The following GPHN variants were observed in gnomAD, a reference collection of about 807,000 sequenced individuals.
The protein encoded by GPHN is gephyrin.
Under a neutral mutation model 95.5 loss-of-function variants are expected in GPHN, and 17 were observed. That is an observed-to-expected ratio of 0.18 (90% CI 0.12 to 0.27). The LOEUF (loss-of-function observed/expected upper bound fraction) is 0.27. Among genes scored for constraint, GPHN ranks in the 10% least tolerant of loss-of-function variants. GPHN has a pLI of 1.00. For missense variants in GPHN, 660 were observed against 978.1 expected (o/e 0.67, Z 4.34); for synonymous variants, 320 against 322.5 (o/e 0.99, Z 0.08).
At chr14:66,942,033 CAG>C (rs752859956) in intron 8 of GPHN, among the ~76,000 whole-genome samples, 3 of 152,128 alleles carry the variant, frequency 2.0e-5, no homozygotes, top group Non-Finnish European at 4.4e-5. Context: ...TGTTTTGAGA[CAG>C]AGTTTTGCTC....
At chr14:66,996,830 GTTCT>G (rs2071837715) in intron 9 of GPHN, among the ~76,000 whole-genome samples, 1 of 151,968 alleles carries the variant, frequency 6.6e-6, no homozygotes, top group African/African-American at 2.4e-5. Context: ...AGAGATTCAT[GTTCT>G]TTTAGTAAAA....
At chr14:66,988,812 A>C (rs2071201929) in intron 9 of GPHN, among the ~76,000 whole-genome samples, 1 of 152,204 alleles carries the variant, frequency 6.6e-6, no homozygotes, top group African/African-American at 2.4e-5. Context: ...GTAGCAGAAG[A>C]AAAACTAAAT....
At chr14:67,600,195 A>T in the GPHN span, 2 of 1,577,490 alleles carry the variant, frequency 1.3e-6, no homozygotes, top group Admixed American at 1.8e-5. Context: ...AGCTCCGCTC[A>T]TCCTCCATGA....
chr14:67,326,612 C>A, the GPHN span, among the ~76,000 whole-genome samples: 1 of 152,052 alleles, frequency 6.6e-6, no homozygotes, highest in Non-Finnish European at 1.5e-5. Flanking sequence ...TTTTCTTATG[C>A]CCCTTTGAAG....
At chr14:66,558,593 G>A (rs887508721) in intron 1 of GPHN, among the ~76,000 whole-genome samples, 1 of 151,738 alleles carries the variant, frequency 6.6e-6, no homozygotes, top group Non-Finnish European at 1.5e-5. Context: ...ACTGTTAAAG[G>A]CTTTATTACA....
In GPHN at chr14:66,508,437, G is replaced by A. The variant is rs919137381; in HGVS notation, c.-91G>A. 2 of 1,134,642 alleles carry A rather than the reference G, an allele frequency of 1.8e-6. No individual in the cohort carries two copies. The highest frequency in any genetic ancestry group is 2.7e-6 in the Non-Finnish European group (2 of 743,450). 70.3% of individuals were successfully genotyped at this position (1,134,642 alleles called of 1,614,324 possible). A position where few individuals can be genotyped will look rare whatever the true frequency, so the allele number is the denominator to read the frequency against. ...GCGCTTCTCTGGCTCCCTAGCTGTC[G>A]CGCTCTCCTCGGCGAGCGCGCTCCC... On this transcript the variant is annotated 5_prime_UTR_variant, in exon 1 of 23. Transcript: ENST00000478722.
At chr14:67,685,484 G>A in the GPHN span, among the ~76,000 whole-genome samples, 4 of 152,092 alleles carry the variant, frequency 2.6e-5, no homozygotes, top group Admixed American at 6.6e-5. Flanking sequence ...ACTTAACATC[G>A]TTGACCACCC....
chr14:66,745,216 A>G (rs1401737959), intron 2 of GPHN, among the ~76,000 whole-genome samples: 1 of 152,148 alleles, frequency 6.6e-6, no homozygotes, highest in African/African-American at 2.4e-5. Flanking sequence ...GGACAACAGT[A>G]TAATGAACAG....
chr14:67,479,281 C>A, the GPHN span, among the ~76,000 whole-genome samples: 3 of 151,626 alleles, frequency 2.0e-5, no homozygotes, highest in African/African-American at 7.3e-5. Context: ...TGGCGTGTGC[C>A]TGTAATCCCA....
At chr14:67,574,014 G>A in the GPHN span, 2 of 752,118 alleles carry the variant, frequency 2.7e-6, no homozygotes, top group Admixed American at 2.2e-5. The surrounding 1 kb of genome is among the most constrained non-coding windows in gnomAD (Gnocchi z 4.2). Context: ...ATTTGGACGT[G>A]ATCCTAACTT....
At chr14:66,819,408 G>C (rs1344747844) in intron 3 of GPHN, among the ~76,000 whole-genome samples, 1 of 151,828 alleles carries the variant, frequency 6.6e-6, no homozygotes, top group Non-Finnish European at 1.5e-5. Flanking sequence ...CTTATTTCTG[G>C]GTTCTCTGTT....
At chr14:66,965,372 C>G in intron 9 of GPHN, 47 bp downstream of exon 9, 1 of 1,546,274 alleles carries the variant, frequency 6.5e-7, no homozygotes, top group South Asian at 1.1e-5. Flanking sequence ...CTATAGTAAT[C>G]TGGGAAAACT....
the GPHN span, among the ~76,000 whole-genome samples, chr14:67,327,097 C>T: frequency 6.6e-6 from 1 of 152,122 alleles, no homozygotes; most frequent in Non-Finnish European, 1.5e-5. Context: ...ATCACTTGAA[C>T]CCGGGAGGTG....
At chr14:67,379,685 C>T in the GPHN span, among the ~76,000 whole-genome samples, 17 of 110,752 alleles carry the variant, frequency 1.5e-4, no homozygotes, top group South Asian at 1.8e-3. Context: ...GACGGAGTCT[C>T]GCTCTGTCGC....
chr14:67,133,911 T>C (rs2079879370), intron 17 of GPHN, among the ~76,000 whole-genome samples: 1 of 152,196 alleles, frequency 6.6e-6, no homozygotes, highest in African/African-American at 2.4e-5. Context: ...GATACCGTTA[T>C]TCATTTCACT....
intron 9 of GPHN, among the ~76,000 whole-genome samples, chr14:66,985,118 A>C (rs2070930703): frequency 6.6e-6 from 1 of 152,152 alleles, no homozygotes; most frequent in Non-Finnish European, 1.5e-5. Context: ...CTGGCATTAA[A>C]ATTTTCTGGT....
chr14:67,598,682 TA>T, the GPHN span, among the ~76,000 whole-genome samples: 3 of 151,650 alleles, frequency 2.0e-5, no homozygotes, highest in African/African-American at 7.3e-5. Context: ...CAAGTCAACT[TA>T]ATCATCATTT....
At chr14:67,348,845 T>G in the GPHN span, 1 of 586,720 alleles carries the variant, frequency 1.7e-6, no homozygotes, top group South Asian at 2.1e-5. Context: ...AAGTGTTCAC[T>G]TCTATACAAA....
chr14:67,070,223 A>G (rs544620592), intron 11 of GPHN, among the ~76,000 whole-genome samples: 37 of 151,802 alleles, frequency 2.4e-4, no homozygotes, highest in Non-Finnish European at 4.3e-4. Context: ...TACTCCCTGC[A>G]TTCTTCAAAA....
Sources: allele counts gnomAD v4.1 joint callset (sites outside exome capture counted in the v4.1 genomes callset), GRCh38; gene constraint gnomAD v4.1.1; non-coding constraint Gnocchi (gnomAD v3.1); transcripts MANE v1.5; gene names NCBI Gene and HGNC (gene_info 2026-07-23, HGNC 2026-07-21).